ZMIZ2: variants seen among roughly 807,000 people sequenced by gnomAD.
ZMIZ2 encodes the protein zinc finger MIZ domain-containing protein 2.
A neutral mutation model predicts 93.9 loss-of-function variants in ZMIZ2; 26 were observed. The ratio of observed to expected loss-of-function variants is 0.28; its 90% CI spans 0.20 to 0.38. ZMIZ2 has a LOEUF of 0.38. Ranked by LOEUF, ZMIZ2 falls within the 10% of genes least tolerant of loss-of-function variation. The pLI, the probability that ZMIZ2 is intolerant of heterozygous loss-of-function variation, is 1.00. For missense variants in ZMIZ2, 1,023 were observed against 1,235.0 expected (o/e 0.83, Z 2.57); for synonymous variants, 485 against 516.4 (o/e 0.94, Z 0.82).
At chr7:44,753,353 C>T (rs574250384) in intron 1 of ZMIZ2, among the ~76,000 whole-genome samples, 102 of 152,140 alleles carry the variant, frequency 6.7e-4, no homozygotes, top group Non-Finnish European at 1.3e-3. Context: ...CAAGTGATCC[C>T]TCCACTGCAG....
chr7:44,756,649 CAG>C (rs1790620755), intron 3 of ZMIZ2, 110 bp downstream of exon 3: 1 of 1,224,058 alleles, frequency 8.2e-7, no homozygotes, highest in African/African-American at 1.5e-5. Flanking sequence ...GAGGTGAGGA[CAG>C]AGAGGCTGAG....
At chr7:44,762,788 G>C in intron 11 of ZMIZ2, 93 bp from the exon 12 acceptor site, 5 of 792,462 alleles carry the variant, frequency 6.3e-6, no homozygotes, top group Admixed American at 6.7e-5. Context: ...CCACCTGGCA[G>C]CCCCTGACAC....
intron 1 of ZMIZ2, chr7:44,749,757 C>G (rs1304489475): frequency 6.6e-6 from 1 of 152,352 alleles, no homozygotes; most frequent in East Asian, 1.9e-4. Flanking sequence ...CCCTAGGGTA[C>G]CCTCTTTCCA....
In ZMIZ2 at chr7:44,767,533, C is replaced by T; in HGVS notation, c.2673C>T (p.Thr891=). The change falls in exon 19 of 19, where the codon ACC becomes ACT. Residue 891 remains threonine, a synonymous_variant. Coordinates refer to ENST00000309315, the MANE Select transcript of ZMIZ2 (RefSeq NM_031449.4). Reference sequence around the variant, plus strand: ...GTCCTCAGCTGCTCCCGGAACTGACCAACCCTGATGAGCTACTGTCCTACT... The same window carrying T: ...GTCCTCAGCTGCTCCCGGAACTGACTAACCCTGATGAGCTACTGTCCTACT... The part of the protein sequence containing the change: ...EPALDLLPEL[T]NPDELLSYLG... The T allele has an allele frequency of 6.2e-7, 1 of 1,614,126 alleles. No homozygotes were observed. Among genetic ancestry groups the T allele is most frequent in the Non-Finnish European group, 8.5e-7 (1 of 1,180,008 alleles).
chr7:44,756,058 C>T, intron 1 of ZMIZ2, 130 bp from the exon 2 acceptor site: 1 of 708,242 alleles, frequency 1.4e-6, no homozygotes, highest in Non-Finnish European at 2.4e-6. Flanking sequence ...CACTGCCTTG[C>T]CTGCCATCAG....
Position 44,766,733 on chromosome 7 carries a change from GCGTT to G in ZMIZ2, c.2655+72_2655+75del, listed in dbSNP as rs1562751851. On this transcript the variant is annotated intron_variant, in intron 18 of 18. Coordinates refer to ENST00000309315, the MANE Select transcript of ZMIZ2 (RefSeq NM_031449.4). This position sits in a 1 kb window ranked among gnomAD's most constrained non-coding sequence, Gnocchi z 4.4. ...TAGAGGTGGTGTGTCTGTTCCAGGTGCGTTCTGGAAGGGAAGACAGTGACCCCTC... is the reference window on the plus strand; with the variant it reads ...TAGAGGTGGTGTGTCTGTTCCAGGTGCTGGAAGGGAAGACAGTGACCCCTC... 3.2e-6 allele frequency: 5 copies of G among 1,584,764 alleles called. No homozygotes were observed. The highest frequency in any genetic ancestry group is 4.3e-6 in the Non-Finnish European group (5 of 1,162,510).
rs769535784 is a variant in ZMIZ2 at position 44,762,916 on chromosome 7, A to G, written c.1632A>G (p.Pro544=). The change falls in exon 12 of 19, where the codon CCA becomes CCG. Residue 544 remains proline, a synonymous_variant. Transcript: ENST00000309315. ...TCGTGCTGCAGCTAGTGCACCGCCCATCCGTCCGCTCGGTGCTGCAGGGCC... is the reference window on the plus strand; with the variant it reads ...TCGTGCTGCAGCTAGTGCACCGCCCGTCCGTCCGCTCGGTGCTGCAGGGCC... The part of the protein sequence containing the change: ...HLFVLQLVHR[P]SVRSVLQGLL... The G allele has an allele frequency of 3.1e-6, 5 of 1,612,690 alleles. No homozygotes were observed. Among genetic ancestry groups the G allele is most frequent in the Non-Finnish European group, 2.5e-6 (3 of 1,179,094 alleles).
chr7:44,764,854 A>T lies in ZMIZ2; in HGVS notation c.1929-87A>T, dbSNP rs543535592. 1.1e-3 allele frequency: 1,554 copies of T among 1,437,926 alleles called. 1 individual carries two copies. The highest frequency in any genetic ancestry group is 4.6e-3 in the Admixed American group (242 of 52,700). The allele number at this position is 1,437,926 out of a possible 1,614,324, so 89.1% of individuals were successfully genotyped here. ...ACAGGATTGCCTCATGCAGGGTCAC[A>T]GCTGACAGGGCTGAGAAATGACAGG... On this transcript the variant is annotated intron_variant, in intron 14 of 18. Transcript: ENST00000309315.
Position 44,765,716 on chromosome 7 carries a change from T to A in ZMIZ2, c.2242+137T>A. Reference sequence around the variant, plus strand: ...GTTATCAGTGTTGCCACACAAAACATGCCGCGGGGCACCTCCAGCCCCTCC... The same window carrying A: ...GTTATCAGTGTTGCCACACAAAACAAGCCGCGGGGCACCTCCAGCCCCTCC... On this transcript the variant is annotated intron_variant, in intron 16 of 18. Transcript: ENST00000309315. The surrounding 1 kb of genome is among the most constrained non-coding windows in gnomAD (Gnocchi z 4.1). The A allele has an allele frequency of 3.8e-6, 5 of 1,305,238 alleles. No homozygotes were observed. The highest frequency in any genetic ancestry group is 5.2e-6 in the Non-Finnish European group (5 of 965,504). 80.9% of individuals were successfully genotyped at this position (1,305,238 alleles called of 1,614,324 possible). A position where few individuals can be genotyped will look rare whatever the true frequency, so the allele number is the denominator to read the frequency against.
rs1791881708 is a variant in ZMIZ2, at chr7:44,767,952, C to T, written c.*329C>T. On this transcript the variant is annotated 3_prime_UTR_variant, in exon 19 of 19. Coordinates refer to ENST00000309315, the MANE Select transcript of ZMIZ2 (RefSeq NM_031449.4). ...CGCCCCTGGTCTCACAGCCTCACAC[C>T]TTGTCCTTCCACCCCTGCCTGCCCC... The T allele has an allele frequency of 2.5e-6, 1 of 403,532 alleles. No homozygotes were observed. The highest frequency in any genetic ancestry group is 4.7e-6 in the Non-Finnish European group (1 of 214,558). 25.0% of individuals were successfully genotyped at this position (403,532 alleles called of 1,614,324 possible). A position where few individuals can be genotyped will look rare whatever the true frequency, so the allele number is the denominator to read the frequency against.
chr7:44,751,585 T>TG (rs1381978264), intron 1 of ZMIZ2, among the ~76,000 whole-genome samples: 1 of 152,194 alleles, frequency 6.6e-6, no homozygotes, highest in African/African-American at 2.4e-5. Context: ...AGCTTTCTAG[T>TG]GGGGAAAGAT....
chr7:44,765,378 A>G lies in ZMIZ2; in HGVS notation c.2041A>G (p.Lys681Glu), dbSNP rs1006656145. The G allele has an allele frequency of 1.2e-6, 2 of 1,613,538 alleles. No individual in the cohort carries two copies. Among genetic ancestry groups the G allele is most frequent in the Admixed American group, 3.3e-5 (2 of 60,022 alleles). Residue 681 changes from lysine (K) to glutamate (E), a missense_variant, in exon 16 of 19, where the codon AAG (lysine) becomes GAG (glutamate). By Grantham distance (56) the Lys-to-Glu change is moderately conservative (BLOSUM62 1). Coordinates refer to ENST00000309315, the MANE Select transcript of ZMIZ2 (RefSeq NM_031449.4). The surrounding 1 kb of genome is among the most constrained non-coding windows in gnomAD (Gnocchi z 4.1). ...EITIDPTCSW[K>E]PVPVKPDMHI... ...CACCATCGACCCCACGTGCAGCTGG[A>G]AGCCAGTGCCCGTGAAGCCTGACAT... is the stretch of plus-strand genomic sequence containing the variant.
intron 9 of ZMIZ2, 90 bp downstream of exon 9, chr7:44,760,683 TGGG>T: frequency 1.3e-6 from 2 of 1,496,636 alleles, no homozygotes; most frequent in Non-Finnish European, 1.8e-6. Context: ...TGTAGGAGCT[TGGG>T]GGACAGGGGA....
chr7:44,758,946 G>A (rs1312745834), intron 6 of ZMIZ2, among the ~76,000 whole-genome samples: 2 of 151,360 alleles, frequency 1.3e-5, no homozygotes, highest in Admixed American at 6.6e-5. Context: ...GCCGGGCGTG[G>A]TGGTGTGCAC....
At chr7:44,767,333 C>T (rs1242504676) in intron 18 of ZMIZ2, among the ~76,000 whole-genome samples, 183 bp from the exon 19 acceptor site, 2 of 152,248 alleles carry the variant, frequency 1.3e-5, no homozygotes, top group South Asian at 4.1e-4. Context: ...CAGGGGGTGG[C>T]GTGTGCCTCT....
chr7:44,749,792 G>T (rs1789978740), intron 1 of ZMIZ2: 1 of 152,284 alleles, frequency 6.6e-6, no homozygotes, highest in African/African-American at 2.4e-5. Context: ...CCATGGTGGT[G>T]TCTTTAATTT....
rs773517138 is a variant in ZMIZ2, at chr7:44,759,470, G to T, written c.993+10G>T. The T allele has an allele frequency of 6.1e-6, 9 of 1,483,242 alleles. No homozygotes were observed. The highest frequency in any genetic ancestry group is 2.9e-5 in the African/African-American group (2 of 69,258). 91.9% of individuals were successfully genotyped at this position (1,483,242 alleles called of 1,614,324 possible). Reference sequence around the variant, plus strand: ...GGGACTGCATTATAAGGTAGGGCAGGCTCCTCCAGGCCCTGTGCCGGGCTC... The same window carrying T: ...GGGACTGCATTATAAGGTAGGGCAGTCTCCTCCAGGCCCTGTGCCGGGCTC... On this transcript the variant is annotated intron_variant, in intron 7 of 18. Transcript: ENST00000309315.
At chr7:44,762,051 C>T (rs944150778) in intron 11 of ZMIZ2, 146 bp downstream of exon 11, 12 of 1,091,986 alleles carry the variant, frequency 1.1e-5, no homozygotes, top group Non-Finnish European at 1.2e-5. Flanking sequence ...CATGGGCGGG[C>T]CGGCCTGCAG....
At chr7:44,759,134 G>C (rs554632115) in intron 6 of ZMIZ2, 147 bp from the exon 7 acceptor site, 45 of 533,136 alleles carry the variant, frequency 8.4e-5, no homozygotes, top group Non-Finnish European at 1.3e-4. Flanking sequence ...AGAACTGCCT[G>C]TGCCTGACAG....
Sources: gnomAD v4.1 joint callset for allele counts (sites outside exome capture counted in the v4.1 genomes callset) on GRCh38, gnomAD v4.1.1 for gene constraint, Gnocchi (gnomAD v3.1) non-coding constraint, MANE v1.5 for transcripts, NCBI Gene and HGNC (gene_info 2026-07-23, HGNC 2026-07-21) for gene names.